Variants in OR9Q1 observed in about 807,000 individuals in gnomAD.
OR9Q1 encodes the protein olfactory receptor 9Q1.
For missense variants in OR9Q1, 374 were observed against 378.8 expected (o/e 0.99, Z 0.11); for synonymous variants, 153 against 148.6 (o/e 1.03, Z -0.22).
chr11:58,026,554 T>C (rs543886076), intron 1 of OR9Q1, among the ~76,000 whole-genome samples: 1 of 151,886 alleles, frequency 6.6e-6, no homozygotes, highest in South Asian at 2.1e-4. Context: ...TGGTGATGCG[T>C]GCCTGAAATC....
chr11:58,120,802 C>CTATATATATATATATATA (rs1216448405), intron 2 of OR9Q1, among the ~76,000 whole-genome samples: 4 of 72,948 alleles, frequency 5.5e-5, no homozygotes, highest in Admixed American at 5.1e-4. Context: ...TATTTCAATA[C>CTATATATATATATATATA]CATATATATA....
chr11:58,088,299 T>C (rs1853652712), intron 2 of OR9Q1, among the ~76,000 whole-genome samples: 1 of 151,982 alleles, frequency 6.6e-6, no homozygotes, highest in Non-Finnish European at 1.5e-5. Context: ...CATGTGTCTT[T>C]ATAGTAGAAT....
At chr11:58,031,710 G>A (rs1853041887) in intron 1 of OR9Q1, 1 of 1,614,038 alleles carries the variant, frequency 6.2e-7, no homozygotes. Flanking sequence ...ACTGTGGTGA[G>A]CCTCTTCTAT....
chr11:58,171,656 T>G (rs1854556368), intron 2 of OR9Q1: 1 of 151,208 alleles, frequency 6.6e-6, no homozygotes, highest in African/African-American at 2.5e-5. Context: ...CATTCCAATT[T>G]TATAGCCTGA....
intron 2 of OR9Q1, among the ~76,000 whole-genome samples, chr11:58,123,637 CTTA>C (rs1490955612): frequency 6.6e-6 from 1 of 152,164 alleles, no homozygotes; most frequent in Admixed American, 6.5e-5. Context: ...GGTTGTCCAA[CTTA>C]TTATACACCT....
At chr11:58,109,239 G>T in intron 2 of OR9Q1, 1 of 464,618 alleles carries the variant, frequency 2.2e-6, no homozygotes, top group Non-Finnish European at 4.3e-6. Flanking sequence ...AAAAGACCCT[G>T]CAGGTACCTG....
intron 2 of OR9Q1, among the ~76,000 whole-genome samples, chr11:58,148,777 T>C (rs1854323005): frequency 6.6e-6 from 1 of 152,202 alleles, no homozygotes; most frequent in Non-Finnish European, 1.5e-5. Flanking sequence ...ATAGAGAATG[T>C]GGAGAGGATA....
intron 2 of OR9Q1, among the ~76,000 whole-genome samples, chr11:58,076,145 C>T (rs1303127677): frequency 6.6e-6 from 1 of 152,146 alleles, no homozygotes; most frequent in Non-Finnish European, 1.5e-5. Context: ...AACTTTTTGG[C>T]CTCTGCTTTA....
chr11:58,179,760 T>G lies in OR9Q1; in HGVS notation c.316T>G (p.Phe106Val). Residue 106 changes from phenylalanine to valine, a missense_variant, in exon 3 of 3, where the codon TTC becomes GTC. By Grantham distance (50) the Phe-to-Val change is conservative. Transcript: ENST00000335397. ...TGCTGCTCAGTTCTTTCTGTTCACC[T>G]TCTTTGGTTCCATCGACTGCTACCT... ...RCAAQFFLFTFFGSIDCYLLA... is the reference protein window; with the variant it reads ...RCAAQFFLFTVFGSIDCYLLA... 5.6e-6 allele frequency: 9 copies of G among 1,614,236 alleles called. No individual in the cohort carries two copies. The highest frequency in any genetic ancestry group is 6.8e-6 in the Non-Finnish European group (8 of 1,180,036).
At chr11:58,126,357 C>T (rs922419643) in intron 2 of OR9Q1, among the ~76,000 whole-genome samples, 1 of 152,162 alleles carries the variant, frequency 6.6e-6, no homozygotes, top group Non-Finnish European at 1.5e-5. Flanking sequence ...TAACTTGGTT[C>T]CTGATTCAGT....
chr11:58,109,175 T>C (rs1209927571), intron 2 of OR9Q1: 5 of 491,042 alleles, frequency 1.0e-5, no homozygotes, highest in South Asian at 7.5e-5. Context: ...AGGGTGAAGG[T>C]GCACGTGGTA....
chr11:58,161,051 T>A (rs1384132810), intron 2 of OR9Q1, among the ~76,000 whole-genome samples: 1 of 142,560 alleles, frequency 7.0e-6, no homozygotes, highest in Non-Finnish European at 1.5e-5. Flanking sequence ...CTATGTTGAA[T>A]AGGGGACACA....
intron 2 of OR9Q1, among the ~76,000 whole-genome samples, chr11:58,155,918 C>CT (rs139275746): frequency 0.63 from 88,748 of 140,362 alleles, 28,907 homozygotes; most frequent in East Asian, 0.87. Flanking sequence ...TCTTTTCCTT[C>CT]CTTTTTTTTT....
At chr11:58,119,449 A>G (rs764988325) in intron 2 of OR9Q1, 1 of 1,542,694 alleles carries the variant, frequency 6.5e-7, no homozygotes, top group Non-Finnish European at 8.9e-7. Context: ...GGCCATGGAG[A>G]CAATGTGGAC....
intron 2 of OR9Q1, among the ~76,000 whole-genome samples, chr11:58,161,884 A>G (rs938202673): frequency 4.6e-5 from 7 of 152,152 alleles, no homozygotes; most frequent in Non-Finnish European, 1.5e-5. Flanking sequence ...GTTATATCCA[A>G]TTAATCAGAA....
Position 58,179,527 on chromosome 11 carries a change from T to A in OR9Q1, c.83T>A (p.Phe28Tyr), listed in dbSNP as rs149361937. The change falls in exon 3 of 3, where the codon TTC (phenylalanine) becomes TAC (tyrosine). Residue 28 changes from phenylalanine (F) to tyrosine (Y), a missense_variant. Coordinates refer to ENST00000335397, the MANE Select transcript of OR9Q1 (RefSeq NM_001005212.4). ...TEYPEWALPL[F>Y]LLFLFMYLIT... is the part of the protein sequence containing the mutation. ...TATCCTGAATGGGCACTCCCTCTCT[T>A]CCTCTTGTTTTTATTTATGTATCTC... 1 of 1,612,254 alleles carries A rather than the reference T, an allele frequency of 6.2e-7. No homozygotes were observed. Among genetic ancestry groups the A allele is most frequent in the Non-Finnish European group, 8.5e-7 (1 of 1,179,082 alleles).
chr11:58,150,844 C>T (rs1468817528), intron 2 of OR9Q1, among the ~76,000 whole-genome samples: 1 of 152,122 alleles, frequency 6.6e-6, no homozygotes, highest in Non-Finnish European at 1.5e-5. Context: ...AAAACAGCCC[C>T]AGGCAGGTCC....
intron 2 of OR9Q1, among the ~76,000 whole-genome samples, chr11:58,071,304 A>G (rs1169773007): frequency 6.6e-6 from 1 of 152,144 alleles, no homozygotes; most frequent in Non-Finnish European, 1.5e-5. Flanking sequence ...CCTTGCCAAC[A>G]TGGTAAAACC....
At chr11:58,165,951 C>T (rs1854500480) in intron 2 of OR9Q1, among the ~76,000 whole-genome samples, 1 of 152,122 alleles carries the variant, frequency 6.6e-6, no homozygotes, top group Non-Finnish European at 1.5e-5. Flanking sequence ...AAACTGCTAC[C>T]CAGGTTTCTC....
Sources: allele counts gnomAD v4.1 joint callset (sites outside exome capture counted in the v4.1 genomes callset), GRCh38; gene constraint gnomAD v4.1.1; transcripts MANE v1.5; gene names NCBI Gene and HGNC (gene_info 2026-07-23, HGNC 2026-07-21).